The following ZNRF1 variants were observed in gnomAD, a reference collection of about 807,000 sequenced individuals.
ZNRF1 encodes zinc and ring finger 1, also known as E3 ubiquitin-protein ligase ZNRF1.
A neutral mutation model predicts 18.4 loss-of-function variants in ZNRF1; 3 were observed. The ratio of observed to expected loss-of-function variants is 0.16; its 90% confidence interval spans 0.07 to 0.42. The LOEUF (loss-of-function observed/expected upper bound fraction) is 0.42, where lower values mean the gene tolerates loss of function less well. Ranked by LOEUF, ZNRF1 falls within the 10% of genes least tolerant of loss-of-function variation. The pLI is 0.99. For missense variants in ZNRF1, 310 were observed against 329.8 expected (o/e 0.94, Z 0.47); for synonymous variants, 157 against 144.2 (o/e 1.09, Z -0.64).
At chr16:75,006,874 GAGACCC>G (rs1390713053) in intron 1 of ZNRF1, among the ~76,000 whole-genome samples, 1 of 152,126 alleles carries the variant, frequency 6.6e-6, no homozygotes, top group Non-Finnish European at 1.5e-5. Flanking sequence ...GGGATTCTTA[GAGACCC>G]AGCAGTTTTC....
At chr16:75,053,989 G>T (rs948246743) in intron 1 of ZNRF1, among the ~76,000 whole-genome samples, 1 of 152,182 alleles carries the variant, frequency 6.6e-6, no homozygotes, top group African/African-American at 2.4e-5. Context: ...TTTACTTTTC[G>T]TATGAACTAT....
intron 1 of ZNRF1, among the ~76,000 whole-genome samples, chr16:75,070,959 C>T (rs1346797950): frequency 6.6e-6 from 1 of 152,300 alleles, no homozygotes; most frequent in East Asian, 1.9e-4. Context: ...TACCCCCAAA[C>T]TCGATCACCT....
chr16:75,049,871 G>GTGTGTGTGTGT, intron 1 of ZNRF1, among the ~76,000 whole-genome samples: 1 of 150,300 alleles, frequency 6.7e-6, no homozygotes, highest in Non-Finnish European at 1.5e-5. Context: ...GTGTGTGTGT[G>GTGTGTGTGTGT]GTTTAGTGCA....
At chr16:75,100,852 C>T (rs1194121468) in intron 2 of ZNRF1, among the ~76,000 whole-genome samples, 1 of 152,356 alleles carries the variant, frequency 6.6e-6, no homozygotes, top group East Asian at 1.9e-4. Context: ...ACTCTGCCCT[C>T]ACTAAGCTAT....
chr16:75,087,946 A>C (rs1367381148), intron 1 of ZNRF1, among the ~76,000 whole-genome samples: 1 of 152,258 alleles, frequency 6.6e-6, no homozygotes, highest in Non-Finnish European at 1.5e-5. Flanking sequence ...TCAGAGGCTT[A>C]GGGAGTGTCC....
intron 1 of ZNRF1, among the ~76,000 whole-genome samples, chr16:75,065,013 TC>T (rs2035785126): frequency 6.6e-6 from 1 of 152,166 alleles, no homozygotes; most frequent in Non-Finnish European, 1.5e-5. Context: ...TCACCCCACT[TC>T]ACGTGAGAGA....
At chr16:75,030,074 A>C (rs983652818) in intron 1 of ZNRF1, among the ~76,000 whole-genome samples, 7 of 152,006 alleles carry the variant, frequency 4.6e-5, no homozygotes, top group South Asian at 2.1e-4. Context: ...AAAAAAAAAA[A>C]AAAAAAAACC....
At chr16:75,005,273 C>T (rs939316776) in intron 1 of ZNRF1, among the ~76,000 whole-genome samples, 8 of 152,296 alleles carry the variant, frequency 5.3e-5, no homozygotes, top group African/African-American at 1.9e-4. Context: ...AAAAGTTACC[C>T]CGAGGCAAAG....
intron 1 of ZNRF1, among the ~76,000 whole-genome samples, chr16:75,059,273 A>G (rs8062399): frequency 0.32 from 33,640 of 105,750 alleles, 6,001 homozygotes; most frequent in East Asian, 0.64. Context: ...GTGGAGAAAG[A>G]GTCTCACTCT....
intron 1 of ZNRF1, among the ~76,000 whole-genome samples, chr16:75,008,492 C>G (rs1278408727): frequency 2.0e-5 from 3 of 152,172 alleles, no homozygotes; most frequent in African/African-American, 7.2e-5. Flanking sequence ...AGCCAGGCAG[C>G]TAGACAAGTC....
chr16:75,089,437 TAAAAC>T (rs957203001), intron 1 of ZNRF1, among the ~76,000 whole-genome samples: 64 of 152,232 alleles, frequency 4.2e-4, no homozygotes, highest in African/African-American at 1.5e-3. Context: ...TATGCCAAAA[TAAAAC>T]AGAAACACCA....
chr16:75,066,879 G>C (rs974937615), intron 1 of ZNRF1, among the ~76,000 whole-genome samples: 13 of 151,960 alleles, frequency 8.6e-5, no homozygotes, highest in Admixed American at 8.5e-4. Flanking sequence ...GTAACTGTGG[G>C]GTAACAAATT....
intron 1 of ZNRF1, among the ~76,000 whole-genome samples, chr16:75,092,845 AG>A (rs894755663): frequency 6.6e-6 from 1 of 152,206 alleles, no homozygotes; most frequent in African/African-American, 2.4e-5. Context: ...GATTCCTCCC[AG>A]GGTGATCCAA....
At chr16:75,048,545 G>A (rs1018602866) in intron 1 of ZNRF1, among the ~76,000 whole-genome samples, 3 of 152,192 alleles carry the variant, frequency 2.0e-5, no homozygotes, top group South Asian at 2.1e-4. Flanking sequence ...TTAAAATTTC[G>A]CCTTTACAAG....
At chr16:75,070,811 A>G (rs1293751743) in intron 1 of ZNRF1, among the ~76,000 whole-genome samples, 3 of 152,116 alleles carry the variant, frequency 2.0e-5, no homozygotes, top group Non-Finnish European at 2.9e-5. Context: ...TGCTTCCTTC[A>G]TTCACATCAT....
intron 1 of ZNRF1, among the ~76,000 whole-genome samples, chr16:75,087,926 G>A (rs1009994290): frequency 1.3e-5 from 2 of 152,260 alleles, no homozygotes; most frequent in Admixed American, 1.3e-4. Context: ...GTGCCGCTCA[G>A]AGCCTGCTCT....
chr16:75,000,489 C>A, intron 1 of ZNRF1: 1 of 387,100 alleles, frequency 2.6e-6, no homozygotes, highest in South Asian at 2.0e-5. Context: ...CCAGTTGGAG[C>A]AAGCAGTGTC....
intron 1 of ZNRF1, among the ~76,000 whole-genome samples, chr16:75,034,327 G>A (rs1169877470): frequency 6.6e-6 from 1 of 151,978 alleles, no homozygotes; most frequent in African/African-American, 2.4e-5. Flanking sequence ...CTCAGCAACC[G>A]CCATTTTATT....
intron 1 of ZNRF1, among the ~76,000 whole-genome samples, chr16:75,065,563 A>G (rs2035792592): frequency 6.6e-6 from 1 of 152,210 alleles, no homozygotes; most frequent in South Asian, 2.1e-4. Flanking sequence ...ATGAAACAAT[A>G]TAGAAAGCTT....
Sources: allele counts gnomAD v4.1 joint callset (sites outside exome capture counted in the v4.1 genomes callset), GRCh38; gene constraint gnomAD v4.1.1; transcripts MANE v1.5; gene names NCBI Gene and HGNC (gene_info 2026-07-23, HGNC 2026-07-21).